RAB11A: variants seen among roughly 807,000 people sequenced by gnomAD.
The protein encoded by RAB11A is RAB11A, member RAS oncogene family, also known as ras-related protein Rab-11A.
In RAB11A, 9 loss-of-function variants were observed where a neutral mutation model predicts 28.0. That is an observed-to-expected ratio of 0.32 (90% CI 0.19 to 0.56). The LOEUF (loss-of-function observed/expected upper bound fraction) is 0.56. Among genes scored for constraint, RAB11A ranks in the 20% least tolerant of loss-of-function variants. The pLI, the probability that RAB11A is intolerant of heterozygous loss-of-function variation, is 0.91. For missense variants in RAB11A, 108 were observed against 269.6 expected (o/e 0.40, Z 4.20); for synonymous variants, 85 against 88.2 (o/e 0.96, Z 0.20).
intron 3 of RAB11A, 142 bp from the exon 4 acceptor site, chr15:65,879,529 C>G: frequency 1.8e-6 from 1 of 549,130 alleles, no homozygotes; most frequent in Non-Finnish European, 3.2e-6. Flanking sequence ...AAAGTGTAAA[C>G]AGAATGGTGC....
chr15:65,890,247 C>G lies in RAB11A; in HGVS notation c.*2407C>G, dbSNP rs767091546. 6.6e-6 allele frequency: 1 copy of G among 152,042 alleles called. No homozygotes were observed. The highest frequency in any genetic ancestry group is 2.4e-5 in the African/African-American group (1 of 41,346). The allele number at this position is 152,042 out of a possible 1,614,324, so 9.4% of individuals were successfully genotyped here. A position where few individuals can be genotyped will look rare whatever the true frequency, so the allele number is the denominator to read the frequency against. ...TAATTTTTTGTATTTTTAGTAGAGA[C>G]GGGGTTTCACCATGTTAGCCAGGGT... is the stretch of plus-strand genomic sequence containing the variant. On this transcript the variant is annotated 3_prime_UTR_variant, in exon 5 of 5. Coordinates refer to ENST00000261890, the MANE Select transcript of RAB11A (RefSeq NM_004663.5).
intron 1 of RAB11A, among the ~76,000 whole-genome samples, chr15:65,874,909 G>T (rs530005016): frequency 6.6e-6 from 1 of 152,106 alleles, no homozygotes; most frequent in Non-Finnish European, 1.5e-5. Context: ...TTAGCTGAGC[G>T]TGTTGGCATG....
chr15:65,884,237 A>G (rs2078240663), intron 4 of RAB11A, among the ~76,000 whole-genome samples: 1 of 152,196 alleles, frequency 6.6e-6, no homozygotes, highest in Non-Finnish European at 1.5e-5. Context: ...GCTAAAGAAA[A>G]GGATTTACCT....
chr15:65,880,869 A>C (rs2078217972), intron 4 of RAB11A, among the ~76,000 whole-genome samples: 1 of 152,160 alleles, frequency 6.6e-6, no homozygotes, highest in African/African-American at 2.4e-5. Flanking sequence ...TATTTATAAA[A>C]TCTTGTGATA....
chr15:65,884,963 G>GTT (rs78411004), intron 4 of RAB11A, among the ~76,000 whole-genome samples: 13 of 133,822 alleles, frequency 9.7e-5, no homozygotes, highest in African/African-American at 2.2e-4. Flanking sequence ...CGCCCCCACC[G>GTT]TTTTTTTTTT....
chr15:65,870,824 G>C (rs780126449), intron 1 of RAB11A, among the ~76,000 whole-genome samples: 1 of 152,004 alleles, frequency 6.6e-6, no homozygotes, highest in Non-Finnish European at 1.5e-5. Context: ...GTCAGGGTTG[G>C]TTAGAAAGAA....
chr15:65,874,391 G>A (rs1317078722), intron 1 of RAB11A, among the ~76,000 whole-genome samples: 7 of 151,804 alleles, frequency 4.6e-5, no homozygotes, highest in African/African-American at 7.3e-5. Context: ...ACGGGCATGC[G>A]CCACCACACC....
intron 1 of RAB11A, among the ~76,000 whole-genome samples, chr15:65,873,396 G>C (rs2078175025): frequency 6.6e-6 from 1 of 152,146 alleles, no homozygotes. Context: ...ACCATCAGCT[G>C]ATTGTCAGTA....
Position 65,888,019 on chromosome 15 carries a change from G to A in RAB11A, c.*179G>A. On this transcript the variant is annotated 3_prime_UTR_variant, in exon 5 of 5. Transcript: ENST00000261890. ...AATCATCCACTTGTCCCGAATGACT[G>A]CAGCTTTTTTTCATGCTATGGCTTC... 1.7e-6 allele frequency: 1 copy of A among 581,058 alleles called. No homozygotes were observed. Among genetic ancestry groups the A allele is most frequent in the Non-Finnish European group, 2.6e-6 (1 of 378,490 alleles). The allele number at this position is 581,058 out of a possible 1,614,324, so 36.0% of individuals were successfully genotyped here. A position where few individuals can be genotyped will look rare whatever the true frequency, so the allele number is the denominator to read the frequency against.
intron 1 of RAB11A, among the ~76,000 whole-genome samples, chr15:65,871,532 A>G (rs915719853): frequency 6.6e-6 from 1 of 152,240 alleles, no homozygotes; most frequent in South Asian, 2.1e-4. Flanking sequence ...TCAGAACAAG[A>G]TAGACCGTCA....
chr15:65,885,744 C>T (rs1320026761), intron 4 of RAB11A, among the ~76,000 whole-genome samples: 2 of 152,300 alleles, frequency 1.3e-5, no homozygotes, highest in East Asian at 1.9e-4. Flanking sequence ...GGAAAATCAA[C>T]TCACAAAAGG....
intron 3 of RAB11A, among the ~76,000 whole-genome samples, chr15:65,878,665 G>A (rs1428377596): frequency 6.6e-6 from 1 of 152,198 alleles, no homozygotes; most frequent in Admixed American, 6.5e-5. Context: ...GCGAAAGAGC[G>A]AGACTCCGTC....
chr15:65,881,916 C>T (rs538756518), intron 4 of RAB11A, among the ~76,000 whole-genome samples: 27 of 149,352 alleles, frequency 1.8e-4, no homozygotes, highest in Admixed American at 6.7e-4. Flanking sequence ...AAAAAATTAG[C>T]CAGGCATGGT....
At chr15:65,878,164 A>T (rs1438914656) in intron 3 of RAB11A, 8 of 634,712 alleles carry the variant, frequency 1.3e-5, no homozygotes, top group African/African-American at 1.1e-4. Flanking sequence ...GAATATAAAC[A>T]TTGTATATTC....
rs976560760 is a variant in RAB11A at position 65,869,743 on chromosome 15, T to C, written c.40+118T>C. 1.1e-5 allele frequency: 12 copies of C among 1,115,450 alleles called. No homozygotes were observed. In the African/African-American group the frequency reaches 1.9e-4, roughly 18 times the overall value. 69.1% of individuals were successfully genotyped at this position (1,115,450 alleles called of 1,614,324 possible). On this transcript the variant is annotated intron_variant, in intron 1 of 4. Transcript: ENST00000261890. ...TATAGGCCTCCCTCAGCCCTTCCTTTTTGTGCGGTTCCGTCTCCTACCCAG... is the reference window on the plus strand; with the variant it reads ...TATAGGCCTCCCTCAGCCCTTCCTTCTTGTGCGGTTCCGTCTCCTACCCAG...
At chr15:65,880,092 A>G (rs185463747) in intron 4 of RAB11A, among the ~76,000 whole-genome samples, 3 of 152,364 alleles carry the variant, frequency 2.0e-5, no homozygotes, top group Admixed American at 2.0e-4. Flanking sequence ...ATAGAAAGAT[A>G]TAAATGCCCT....
intron 1 of RAB11A, among the ~76,000 whole-genome samples, chr15:65,874,726 C>G (rs908205731): frequency 1.3e-5 from 2 of 151,706 alleles, no homozygotes; most frequent in African/African-American, 4.8e-5. Context: ...AAGTGGAGGT[C>G]AAAAGGGAGG....
Position 65,889,401 on chromosome 15 carries a change from T to A in RAB11A, c.*1561T>A, listed in dbSNP as rs946865190. 4 of 152,254 alleles carry A rather than the reference T, an allele frequency of 2.6e-5. No individual in the cohort carries two copies. Among genetic ancestry groups the A allele is most frequent in the African/African-American group, 9.6e-5 (4 of 41,466 alleles). 9.4% of individuals were successfully genotyped at this position (152,254 alleles called of 1,614,324 possible). On this transcript the variant is annotated 3_prime_UTR_variant, in exon 5 of 5. Coordinates refer to ENST00000261890, the MANE Select transcript of RAB11A (RefSeq NM_004663.5). ...CATGCTCTGTAATTTGATTTTTTTTTAGTTATTGATTTGGATTATATTCAC... is the reference window on the plus strand; with the variant it reads ...CATGCTCTGTAATTTGATTTTTTTTAAGTTATTGATTTGGATTATATTCAC...
At chr15:65,878,553 C>G (rs2078202693) in intron 3 of RAB11A, among the ~76,000 whole-genome samples, 1 of 152,192 alleles carries the variant, frequency 6.6e-6, no homozygotes, top group African/African-American at 2.4e-5. Flanking sequence ...GTGGCGGGCG[C>G]CTGTAGTCCC....
Sources: allele counts gnomAD v4.1 joint callset (sites outside exome capture counted in the v4.1 genomes callset), GRCh38; gene constraint gnomAD v4.1.1; transcripts MANE v1.5; gene names NCBI Gene and HGNC (gene_info 2026-07-23, HGNC 2026-07-21).